SYT16: variants seen among roughly 807,000 people sequenced by gnomAD.
The protein encoded by SYT16 is synaptotagmin-16.
SYT16 carries 42 observed loss-of-function variants against 61.4 expected under a neutral mutation model. The ratio of observed to expected loss-of-function variants is 0.68; its 90% CI spans 0.53 to 0.89. The LOEUF is 0.89. Among genes scored for constraint, SYT16 ranks in the 40% least tolerant of loss-of-function variants. The pLI is 0.00. For synonymous variants in SYT16, 314 were observed against 302.3 expected, an observed-to-expected ratio of 1.04 and a Z score of -0.40; for missense variants, 804 against 807.3, an observed-to-expected ratio of 1.00 and a Z score of 0.05.
intron 2 of SYT16, among the ~76,000 whole-genome samples, chr14:61,989,207 T>G (rs962110925): frequency 6.6e-6 from 1 of 152,202 alleles, no homozygotes; most frequent in African/African-American, 2.4e-5. Context: ...TATTTTTACC[T>G]TTTGAAATAT....
chr14:61,975,537 C>G (rs920581062), intron 2 of SYT16, among the ~76,000 whole-genome samples: 11 of 152,180 alleles, frequency 7.2e-5, no homozygotes, highest in Non-Finnish European at 1.5e-4. Context: ...CTTCACAAGG[C>G]AGCTGGAAGA....
Position 61,832,168 on chromosome 14 carries a change from C to A in SYT16, c.-325+19358C>A, listed in dbSNP as rs1457538639. On this transcript the variant is annotated intron_variant, in intron 1 of 7. Transcript: ENST00000683842. Reference sequence around the variant, plus strand: ...TCCGTGGAGCGGTTGCTCCAGGAGGCCTTCTCCTTCTTCTTCACGGCTTTC... The same window carrying A: ...TCCGTGGAGCGGTTGCTCCAGGAGGACTTCTCCTTCTTCTTCACGGCTTTC... The A allele has an allele frequency of 4.4e-6, 3 of 684,062 alleles. No individual in the cohort carries two copies. The Admixed American group carries it at 5.6e-5, about 13-fold the overall frequency. 42.4% of individuals were successfully genotyped at this position (684,062 alleles called of 1,614,324 possible). A position where few individuals can be genotyped will look rare whatever the true frequency, so the allele number is the denominator to read the frequency against.
chr14:61,924,273 G>A (rs1326057669), intron 1 of SYT16, among the ~76,000 whole-genome samples: 2 of 152,288 alleles, frequency 1.3e-5, no homozygotes, highest in East Asian at 3.9e-4. Context: ...ATGGTTGGCA[G>A]GTCTCTGAGA....
intron 1 of SYT16, among the ~76,000 whole-genome samples, chr14:61,900,710 GTGAACACCAGCCT>G (rs2048483293): frequency 6.6e-6 from 1 of 152,216 alleles, no homozygotes; most frequent in South Asian, 2.1e-4. Context: ...ACTGGGGCCA[GTGAACACCAGCCT>G]TGCATGGTGT....
intron 1 of SYT16, among the ~76,000 whole-genome samples, chr14:61,871,605 T>G (rs1323363608): frequency 2.0e-5 from 3 of 152,222 alleles, no homozygotes; most frequent in Non-Finnish European, 4.4e-5. Context: ...GTTGCCTGCT[T>G]TCCTGCATCT....
In SYT16 at chr14:62,094,156, C is replaced by A. The variant is rs187463358; in HGVS notation, c.1625-6238C>A. Among the ~76,000 whole-genome samples, 298 of 152,192 alleles carry A rather than the reference C, an allele frequency of 2.0e-3. 7 individuals are homozygous for A. Among genetic ancestry groups the A allele is most frequent in the Non-Finnish European group, 6.9e-4 (47 of 67,962 alleles). ...GTCACATGGCTCAGATAATTCAATT[C>A]TGGTGTAAAGACCACACTGTTAATT... On this transcript the variant is annotated intron_variant, in intron 7 of 7. Coordinates refer to ENST00000683842, the MANE Select transcript of SYT16 (RefSeq NM_001367656.1).
intron 1 of SYT16, among the ~76,000 whole-genome samples, chr14:61,870,592 T>C (rs528862257): frequency 1.3e-5 from 2 of 152,294 alleles, no homozygotes; most frequent in Admixed American, 1.3e-4. Context: ...ACTCCAGTTA[T>C]ATGTATGGTA....
intron 1 of SYT16, among the ~76,000 whole-genome samples, chr14:61,947,290 G>GTGTT (rs932483118): frequency 1.3e-5 from 2 of 151,320 alleles, no homozygotes; most frequent in African/African-American, 4.9e-5. Context: ...GTGTGTGTGT[G>GTGTT]TGTGTGTGTG....
At chr14:61,837,799 G>A (rs1028114700) in intron 1 of SYT16, among the ~76,000 whole-genome samples, 3 of 152,206 alleles carry the variant, frequency 2.0e-5, no homozygotes, top group African/African-American at 7.2e-5. Context: ...TTGTGGCCAT[G>A]TTTGGGAACT....
At chr14:61,825,475 G>C (rs935830393) in intron 1 of SYT16, among the ~76,000 whole-genome samples, 2 of 152,174 alleles carry the variant, frequency 1.3e-5, no homozygotes, top group Non-Finnish European at 2.9e-5. Context: ...GAACCCAGGA[G>C]TTTGAGACCA....
chr14:61,896,213 C>T (rs2048321412), intron 1 of SYT16, among the ~76,000 whole-genome samples: 2 of 152,100 alleles, frequency 1.3e-5, no homozygotes, highest in African/African-American at 4.8e-5. Context: ...GCAAGAACCC[C>T]CATACGTCAC....
At chr14:62,023,849 C>T (rs952457038) in intron 3 of SYT16, among the ~76,000 whole-genome samples, 5 of 152,056 alleles carry the variant, frequency 3.3e-5, no homozygotes, top group African/African-American at 1.2e-4. Context: ...TCCTGTTTAT[C>T]TTATCTTTAA....
intron 1 of SYT16, among the ~76,000 whole-genome samples, chr14:61,917,347 G>T (rs1270196210): frequency 6.6e-6 from 1 of 150,644 alleles, no homozygotes; most frequent in Non-Finnish European, 1.5e-5. Context: ...TCAAATCAGT[G>T]GCCTATTCAT....
intron 3 of SYT16, among the ~76,000 whole-genome samples, chr14:62,025,864 G>C (rs1284827154): frequency 6.6e-6 from 1 of 151,212 alleles, no homozygotes; most frequent in Non-Finnish European, 1.5e-5. Flanking sequence ...CCTTGCCATA[G>C]TCACTTGCAA....
Position 61,969,909 on chromosome 14 carries a change from A to T in SYT16, c.-324-223A>T, listed in dbSNP as rs369828054. Among the ~76,000 whole-genome samples the T allele has an allele frequency of 5.9e-5, 9 of 152,320 alleles. No homozygotes were observed. In the East Asian group the frequency reaches 1.7e-3, roughly 29 times the overall value. On this transcript the variant is annotated intron_variant, in intron 1 of 7. Transcript: ENST00000683842. ...ACATTCAAAGGTATAGAGGTCTCTCATCTGAGGAGCCAGCATCACAGGATG... is the reference window on the plus strand; with the variant it reads ...ACATTCAAAGGTATAGAGGTCTCTCTTCTGAGGAGCCAGCATCACAGGATG...
intron 3 of SYT16, among the ~76,000 whole-genome samples, chr14:62,010,116 A>G (rs1234505943): frequency 6.6e-6 from 1 of 152,218 alleles, no homozygotes. Context: ...AAGCATTTGT[A>G]TAGATTATAA....
chr14:61,885,694 T>C (rs1303007240), intron 1 of SYT16, among the ~76,000 whole-genome samples: 1 of 152,170 alleles, frequency 6.6e-6, no homozygotes, highest in Non-Finnish European at 1.5e-5. Flanking sequence ...ATAAAGCAAA[T>C]ATCTCAATTG....
chr14:61,956,840 A>G (rs1490259082), intron 1 of SYT16, among the ~76,000 whole-genome samples: 1 of 151,794 alleles, frequency 6.6e-6, no homozygotes, highest in Admixed American at 6.6e-5. Flanking sequence ...TTGCTTTAAA[A>G]CATGCTATTG....
chr14:62,078,676 G>T (rs1182197486), intron 5 of SYT16, among the ~76,000 whole-genome samples: 1 of 152,204 alleles, frequency 6.6e-6, no homozygotes, highest in East Asian at 1.9e-4. Context: ...GCCTGATCTT[G>T]TGTGATCACA....
Sources: allele counts gnomAD v4.1 joint callset (sites outside exome capture counted in the v4.1 genomes callset), GRCh38; gene constraint gnomAD v4.1.1; transcripts MANE v1.5; gene names NCBI Gene and HGNC (gene_info 2026-07-23, HGNC 2026-07-21).